Variants in TMEM164 observed in about 807,000 individuals in gnomAD.
The protein encoded by TMEM164 is transmembrane protein 164, also known as RP13-360B22.2.
A neutral mutation model predicts 18.8 loss-of-function variants in TMEM164; 4 were observed. The observed-to-expected ratio is 0.21, with a 90% CI of 0.10 to 0.49. The LOEUF (loss-of-function observed/expected upper bound fraction) is 0.49, where lower values mean the gene tolerates loss of function less well. Among genes scored for constraint, TMEM164 ranks in the 20% least tolerant of loss-of-function variants. The probability of loss-of-function intolerance (pLI) is 0.98; values close to 1 mark genes in which losing one functional copy is unlikely to be tolerated. For synonymous variants in TMEM164, 86 were observed against 101.7 expected (o/e 0.85, Z 0.93); for missense variants, 108 against 239.9 (o/e 0.45, Z 3.63).
chrX:110,180,913 C>G (rs1304511885), downstream of TMEM164, among the ~76,000 whole-genome samples: 1 of 111,977 alleles, frequency 8.9e-6, no homozygotes, highest in African/African-American at 3.3e-5. Context: ...TGTCCCTTCT[C>G]TATACTCAGG....
At chrX:110,071,716 CAA>C (rs59182790) in intron 3 of TMEM164, among the ~76,000 whole-genome samples, 5 of 43,362 alleles carry the variant, frequency 1.2e-4, no homozygotes, top group African/African-American at 2.1e-4. Context: ...TTTGTCTCTA[CAA>C]AAAAAAAAAA....
At chrX:110,064,600 G>C (rs1408408705) in intron 2 of TMEM164, among the ~76,000 whole-genome samples, 1 of 111,137 alleles carries the variant, frequency 9.0e-6, no homozygotes, top group Non-Finnish European at 1.9e-5. Flanking sequence ...AGATAACTGT[G>C]TACCATCATA....
intron 2 of TMEM164, among the ~76,000 whole-genome samples, chrX:110,043,816 A>AT (rs776356168): frequency 1.3e-4 from 15 of 111,907 alleles, no homozygotes; most frequent in East Asian, 8.4e-4. Flanking sequence ...TTCTTTACAC[A>AT]TTTTTTTTAA....
At chrX:110,093,496 T>C (rs2065965416) in intron 3 of TMEM164, among the ~76,000 whole-genome samples, 1 of 112,300 alleles carries the variant, frequency 8.9e-6, no homozygotes, top group South Asian at 3.7e-4. Flanking sequence ...TATAGTATTC[T>C]CTGATAGTTT....
intron 4 of TMEM164, among the ~76,000 whole-genome samples, chrX:110,115,330 C>A (rs1425737527): frequency 2.7e-5 from 3 of 112,073 alleles, no homozygotes; most frequent in Non-Finnish European, 3.8e-5. Flanking sequence ...CCTTTATTAT[C>A]CTGAGGGTTC....
At chrX:110,147,047 G>A (rs1020898018) in intron 5 of TMEM164, among the ~76,000 whole-genome samples, 2 of 112,095 alleles carry the variant, frequency 1.8e-5, no homozygotes, top group Admixed American at 1.9e-4. Flanking sequence ...TCCTGCTTGA[G>A]CATATAGTGC....
intron 2 of TMEM164, among the ~76,000 whole-genome samples, chrX:110,019,833 C>T (rs940569784): frequency 9.8e-5 from 11 of 111,887 alleles, no homozygotes; most frequent in Non-Finnish European, 1.3e-4. Flanking sequence ...TGATAGGATT[C>T]GGTATCTTCT....
intron 2 of TMEM164, among the ~76,000 whole-genome samples, chrX:110,045,459 T>C (rs1231618257): frequency 9.0e-6 from 1 of 111,565 alleles, no homozygotes; most frequent in Non-Finnish European, 1.9e-5. Context: ...GTTTGTATCG[T>C]ATGTATTTTA....
At chrX:110,042,031 A>G (rs1283072327) in intron 2 of TMEM164, among the ~76,000 whole-genome samples, 1 of 112,203 alleles carries the variant, frequency 8.9e-6, no homozygotes, top group Non-Finnish European at 1.9e-5. Flanking sequence ...ATATACATAT[A>G]ACATACAAAA....
At chrX:110,013,420 A>G (rs941688055) in intron 2 of TMEM164, among the ~76,000 whole-genome samples, 4 of 112,192 alleles carry the variant, frequency 3.6e-5, no homozygotes, top group African/African-American at 1.3e-4. Flanking sequence ...TTCAGAAATC[A>G]GGTTGAAGGA....
chrX:110,079,307 CATA>C, intron 3 of TMEM164, among the ~76,000 whole-genome samples: 1 of 111,674 alleles, frequency 9.0e-6, no homozygotes, highest in South Asian at 3.8e-4. Context: ...AAAACACTGT[CATA>C]ATAAGTAGGT....
chrX:110,132,016 TCAGGGAGCAGC>T (rs1038659771), intron 4 of TMEM164, among the ~76,000 whole-genome samples: 3 of 111,502 alleles, frequency 2.7e-5, no homozygotes, highest in African/African-American at 9.8e-5. Context: ...TTCTTTTCCA[TCAGGGAGCAGC>T]CTGAAGTATG....
chrX:110,088,290 A>G (rs2065881860), intron 3 of TMEM164, among the ~76,000 whole-genome samples: 2 of 111,643 alleles, frequency 1.8e-5, no homozygotes, highest in South Asian at 7.5e-4. Context: ...GCTGCTCTGG[A>G]ACCTGAGGGA....
intron 5 of TMEM164, among the ~76,000 whole-genome samples, chrX:110,157,339 G>C (rs1438939402): frequency 9.0e-6 from 1 of 111,668 alleles, no homozygotes; most frequent in African/African-American, 3.3e-5. Context: ...AGTAAAATCA[G>C]GTCCTCAGAG....
At chrX:110,067,438 T>A (rs1235843867) in intron 3 of TMEM164, 42 bp downstream of exon 3, 1 of 1,135,424 alleles carries the variant, frequency 8.8e-7, no homozygotes, top group Admixed American at 2.2e-5. Flanking sequence ...CTTCAGAGTA[T>A]TTTTGTCTGT....
At chrX:110,104,266 A>G (rs1057452361) in intron 3 of TMEM164, among the ~76,000 whole-genome samples, 1 of 112,166 alleles carries the variant, frequency 8.9e-6, no homozygotes, top group Non-Finnish European at 1.9e-5. Flanking sequence ...GTACTCCTGT[A>G]ATAATTTTAT....
chrX:110,067,817 A>G (rs766211282), intron 3 of TMEM164, among the ~76,000 whole-genome samples: 10 of 112,743 alleles, frequency 8.9e-5, no homozygotes, highest in African/African-American at 3.2e-4. Flanking sequence ...TTTCCCCCCT[A>G]AAGTGCAAAT....
intron 4 of TMEM164, among the ~76,000 whole-genome samples, chrX:110,115,201 C>A (rs775912712): frequency 8.9e-6 from 1 of 112,216 alleles, no homozygotes; most frequent in South Asian, 3.7e-4. Flanking sequence ...TCACTCTTTG[C>A]TAATTGGCAC....
intron 2 of TMEM164, among the ~76,000 whole-genome samples, chrX:110,038,011 G>C (rs1486662244): frequency 2.9e-5 from 2 of 68,726 alleles, no homozygotes; most frequent in African/African-American, 6.8e-5. Context: ...TTTTTTTTGA[G>C]ACGGAGTCTC....
Sources: gnomAD v4.1 joint callset for allele counts (sites outside exome capture counted in the v4.1 genomes callset) on GRCh38, gnomAD v4.1.1 for gene constraint, MANE v1.5 for transcripts, NCBI Gene and HGNC (gene_info 2026-07-23, HGNC 2026-07-21) for gene names.